The following NCAM2 variants were observed in gnomAD, a reference collection of about 807,000 sequenced individuals.
NCAM2 encodes the protein neural cell adhesion molecule 2.
A neutral mutation model predicts 98.1 loss-of-function variants in NCAM2; 30 were observed. The observed-to-expected ratio is 0.31, with a 90% CI of 0.23 to 0.41. NCAM2 has a LOEUF of 0.41. Among genes scored for constraint, NCAM2 ranks in the 10% least tolerant of loss-of-function variants. The probability of loss-of-function intolerance (pLI) is 1.00; values close to 1 mark genes in which losing one functional copy is unlikely to be tolerated. For synonymous variants in NCAM2, 368 were observed against 342.4 expected (o/e 1.07, Z -0.83); for missense variants, 867 against 1,005.8 (o/e 0.86, Z 1.87).
intron 16 of NCAM2, among the ~76,000 whole-genome samples, chr21:21,516,007 T>A (rs1460088): frequency 0.37 from 55,815 of 151,980 alleles, 10,886 homozygotes; most frequent in East Asian, 0.61. Context: ...TCTACAGTTG[T>A]TAAGATCTCA....
At chr21:21,241,269 A>T (rs2071055388) in intron 1 of NCAM2, among the ~76,000 whole-genome samples, 1 of 152,072 alleles carries the variant, frequency 6.6e-6, no homozygotes, top group East Asian at 1.9e-4. Flanking sequence ...ATTTCTACTC[A>T]TTGACCTTAA....
chr21:21,131,392 G>A (rs1465289814), intron 1 of NCAM2, among the ~76,000 whole-genome samples: 1 of 152,040 alleles, frequency 6.6e-6, no homozygotes, highest in Non-Finnish European at 1.5e-5. Flanking sequence ...TCCTGTCTCA[G>A]CCTCCCTAGT....
chr21:21,320,802 G>C (rs547883961), intron 5 of NCAM2, among the ~76,000 whole-genome samples: 4 of 152,206 alleles, frequency 2.6e-5, no homozygotes, highest in Non-Finnish European at 2.9e-5. Context: ...TGAAAAATGA[G>C]GGTACTTCAT....
At chr21:21,252,936 CATA>C (rs2071527506) in intron 1 of NCAM2, among the ~76,000 whole-genome samples, 1 of 152,114 alleles carries the variant, frequency 6.6e-6, no homozygotes, top group South Asian at 2.1e-4. Flanking sequence ...GAAGCATTAT[CATA>C]ATCTTACTCC....
chr21:21,016,679 T>G (rs192106719), intron 1 of NCAM2, among the ~76,000 whole-genome samples: 3 of 152,192 alleles, frequency 2.0e-5, no homozygotes, highest in Admixed American at 6.5e-5. Flanking sequence ...CTGGGCACTT[T>G]CCAAAAAAAA....
At chr21:21,444,805 T>G (rs1443523602) in intron 12 of NCAM2, among the ~76,000 whole-genome samples, 1 of 152,180 alleles carries the variant, frequency 6.6e-6, no homozygotes. Context: ...ATTGATTTTT[T>G]GGAGTGTTTT....
intron 1 of NCAM2, among the ~76,000 whole-genome samples, chr21:21,277,942 A>G (rs999375157): frequency 6.6e-6 from 1 of 152,152 alleles, no homozygotes; most frequent in Non-Finnish European, 1.5e-5. Context: ...ATGGTGACTA[A>G]AAATGGGACA....
chr21:21,416,904 T>C (rs1000064046), intron 10 of NCAM2, among the ~76,000 whole-genome samples: 2 of 151,538 alleles, frequency 1.3e-5, no homozygotes, highest in African/African-American at 4.8e-5. Flanking sequence ...GATGTGTGTG[T>C]GTGTGTCTTA....
At chr21:21,095,800 T>A (rs180974384) in intron 1 of NCAM2, among the ~76,000 whole-genome samples, 69 of 151,796 alleles carry the variant, frequency 4.5e-4, no homozygotes, top group Middle Eastern at 6.8e-3. Context: ...TCAGAACTAC[T>A]AGCTTTCATG....
At chr21:21,494,597 T>C (rs188327478) in intron 15 of NCAM2, among the ~76,000 whole-genome samples, 11 of 151,198 alleles carry the variant, frequency 7.3e-5, no homozygotes, top group Admixed American at 2.0e-4. Context: ...TTTGGAAAAG[T>C]TTAGAGTTAG....
At chr21:21,048,354 G>A (rs1229513616) in intron 1 of NCAM2, among the ~76,000 whole-genome samples, 10 of 151,984 alleles carry the variant, frequency 6.6e-5, no homozygotes, top group East Asian at 1.9e-4. Context: ...GAACCAACCC[G>A]ATGTATTTTT....
At chr21:21,144,350 GAA>G (rs71195305) in intron 1 of NCAM2, among the ~76,000 whole-genome samples, 3,777 of 145,158 alleles carry the variant, frequency 0.026, 85 homozygotes, top group Admixed American at 0.055. Context: ...ATCTCAAAAA[GAA>G]AAAAAAAAAA....
chr21:21,076,150 A>T (rs1466946390), intron 1 of NCAM2, among the ~76,000 whole-genome samples: 1 of 151,902 alleles, frequency 6.6e-6, no homozygotes, highest in African/African-American at 2.4e-5. Flanking sequence ...CATAAAAATC[A>T]GCATTTTCAA....
At chr21:21,371,264 T>G (rs2148039213) in intron 8 of NCAM2, among the ~76,000 whole-genome samples, 1 of 151,996 alleles carries the variant, frequency 6.6e-6, no homozygotes, top group Non-Finnish European at 1.5e-5. Flanking sequence ...GTAGTTTGGA[T>G]AAATTAATTC....
In NCAM2 at chr21:21,396,336, A is replaced by G. The variant is rs150248882; in HGVS notation, c.1196-13938A>G. Among the ~76,000 whole-genome samples, 22 of 152,294 alleles carry G rather than the reference A, an allele frequency of 1.4e-4. No homozygotes were observed. The East Asian group carries it at 4.3e-3, about 29-fold the overall frequency. On this transcript the variant is annotated intron_variant, in intron 9 of 17. Coordinates refer to ENST00000400546, the MANE Select transcript of NCAM2 (RefSeq NM_004540.5). ...CCTCCCTCCTGAAAGAATGGCCATA[A>G]TCAAAAAAATAAAAATACAATAGTG...
At chr21:21,063,893 C>A (rs928613619) in intron 1 of NCAM2, among the ~76,000 whole-genome samples, 3 of 152,034 alleles carry the variant, frequency 2.0e-5, no homozygotes, top group Admixed American at 1.3e-4. Flanking sequence ...AATTATATTT[C>A]TGTTCTGGCC....
chr21:21,091,396 C>A (rs2066008860), intron 1 of NCAM2, among the ~76,000 whole-genome samples: 2 of 151,918 alleles, frequency 1.3e-5, no homozygotes, highest in African/African-American at 4.8e-5. Flanking sequence ...TGTAGCAAAT[C>A]TTTTTTTCAA....
intron 1 of NCAM2, among the ~76,000 whole-genome samples, chr21:21,059,724 AT>A (rs2065283118): frequency 6.6e-6 from 1 of 152,076 alleles, no homozygotes; most frequent in Admixed American, 6.6e-5. Context: ...AGGATGTTTT[AT>A]CCCACAGAAC....
Position 21,390,964 on chromosome 21 carries a change from C to T in NCAM2, c.1195+16951C>T, listed in dbSNP as rs150927889. Among the ~76,000 whole-genome samples, 566 of 152,206 alleles carry T rather than the reference C, an allele frequency of 3.7e-3. 12 individuals are homozygous for T. The highest frequency in any genetic ancestry group is 0.031 in the Admixed American group (466 of 15,278). On this transcript the variant is annotated intron_variant, in intron 9 of 17. Transcript: ENST00000400546. Reference sequence around the variant, plus strand: ...AATCATCACATATTGATAAGAAAAACAAACAATATTTCTGTAAGTTGTCTT... The same window carrying T: ...AATCATCACATATTGATAAGAAAAATAAACAATATTTCTGTAAGTTGTCTT...
Sources: gnomAD v4.1 joint callset for allele counts (sites outside exome capture counted in the v4.1 genomes callset) on GRCh38, gnomAD v4.1.1 for gene constraint, MANE v1.5 for transcripts, NCBI Gene and HGNC (gene_info 2026-07-23, HGNC 2026-07-21) for gene names.